GABRA5: variants seen among roughly 807,000 people sequenced by gnomAD.
The protein encoded by GABRA5 is gamma-aminobutyric acid receptor subunit alpha-5.
Under a neutral mutation model 47.3 loss-of-function variants are expected in GABRA5, and 18 were observed. The observed-to-expected ratio is 0.38, with a 90% CI of 0.26 to 0.56. GABRA5 has a LOEUF of 0.56. Among genes scored for constraint, GABRA5 ranks in the 20% least tolerant of loss-of-function variants. The pLI is 0.71. For synonymous variants in GABRA5, 237 were observed against 229.3 expected (o/e 1.03, Z -0.30); for missense variants, 365 against 599.3 (o/e 0.61, Z 4.08).
intron 7 of GABRA5, 95 bp downstream of exon 7, chr15:26,914,980 C>T (rs369187190): frequency 2.1e-6 from 2 of 935,138 alleles, no homozygotes; most frequent in African/African-American, 1.6e-5. Context: ...TATACATAAG[C>T]ACAATAGGAT....
intron 6 of GABRA5, among the ~76,000 whole-genome samples, chr15:26,913,359 T>C (rs1893645167): frequency 6.6e-6 from 1 of 152,130 alleles, no homozygotes; most frequent in African/African-American, 2.4e-5. Flanking sequence ...TCCCTTCCAC[T>C]GACATGTATT....
intron 6 of GABRA5, among the ~76,000 whole-genome samples, chr15:26,893,781 C>A (rs1246121063): frequency 6.6e-6 from 1 of 152,000 alleles, no homozygotes; most frequent in African/African-American, 2.4e-5. Flanking sequence ...GGCACGGAGT[C>A]TGGGGTGAGC....
At chr15:26,929,835 G>A (rs926356873) in intron 7 of GABRA5, among the ~76,000 whole-genome samples, 1 of 152,118 alleles carries the variant, frequency 6.6e-6, no homozygotes, top group Admixed American at 6.5e-5. Flanking sequence ...AGCAGCTCTT[G>A]GCTTCTGTTG....
chr15:26,882,613 C>T (rs1430052228), intron 4 of GABRA5, among the ~76,000 whole-genome samples: 1 of 152,192 alleles, frequency 6.6e-6, no homozygotes, highest in East Asian at 1.9e-4. Context: ...ATAGGGCTTT[C>T]TATAATAACA....
chr15:26,944,092 G>A (rs1423215661), intron 10 of GABRA5, among the ~76,000 whole-genome samples: 1 of 152,222 alleles, frequency 6.6e-6, no homozygotes, highest in Non-Finnish European at 1.5e-5. Context: ...TCTCTGTATG[G>A]AGAGAACAGG....
chr15:26,877,938 C>G (rs978914430), intron 3 of GABRA5, among the ~76,000 whole-genome samples: 3 of 152,140 alleles, frequency 2.0e-5, no homozygotes, highest in Non-Finnish European at 4.4e-5. Context: ...AAGAATGGAG[C>G]CTTTATTTGT....
chr15:26,894,604 T>A (rs1253860610), intron 6 of GABRA5, among the ~76,000 whole-genome samples: 1 of 152,190 alleles, frequency 6.6e-6, no homozygotes, highest in African/African-American at 2.4e-5. Context: ...GTTTCCTTCA[T>A]CGGAATTCCT....
chr15:26,931,011 T>G (rs2140566844), intron 7 of GABRA5, among the ~76,000 whole-genome samples: 1 of 150,282 alleles, frequency 6.7e-6, no homozygotes, highest in South Asian at 2.2e-4. Flanking sequence ...TTCTCCTGCC[T>G]CAGCCTCCTG....
chr15:26,947,278 A>T (rs1483854685), intron 10 of GABRA5, among the ~76,000 whole-genome samples: 1 of 152,102 alleles, frequency 6.6e-6, no homozygotes. Flanking sequence ...AACTCATGTC[A>T]TGGGAGTTTG....
At chr15:26,871,913 A>G (rs1429497955) in intron 3 of GABRA5, among the ~76,000 whole-genome samples, 1 of 152,198 alleles carries the variant, frequency 6.6e-6, no homozygotes. Context: ...TATTTATATT[A>G]GAAGATATTT....
rs973499959 is a variant in GABRA5, at chr15:26,885,254, G to A, written c.497+1697G>A. Among the ~76,000 whole-genome samples the A allele has an allele frequency of 4.0e-5, 6 of 148,540 alleles. No homozygotes were observed. In the East Asian group the frequency reaches 5.9e-4, roughly 15 times the overall value. ...GCGGAGCTTGCAGTGAGCCCAGATC[G>A]CACCACTGCACTCCAGCCTGGGCAA... On this transcript the variant is annotated intron_variant, in intron 6 of 10. Transcript: ENST00000335625.
intron 6 of GABRA5, among the ~76,000 whole-genome samples, chr15:26,901,819 A>C (rs1274810411): frequency 6.6e-6 from 1 of 152,054 alleles, no homozygotes; most frequent in Admixed American, 6.6e-5. Flanking sequence ...ATTTTGAGTT[A>C]ATTCTTGTGA....
At chr15:26,922,360 A>G (rs1893863601) in intron 7 of GABRA5, among the ~76,000 whole-genome samples, 1 of 152,182 alleles carries the variant, frequency 6.6e-6, no homozygotes. Context: ...TTTGAAGTCC[A>G]CATAACTTGA....
intron 6 of GABRA5, among the ~76,000 whole-genome samples, chr15:26,893,277 GTAT>G: frequency 2.0e-5 from 1 of 50,990 alleles, no homozygotes; most frequent in East Asian, 8.1e-4. Flanking sequence ...TGGTGTGTGT[GTAT>G]GGCATATGGC....
chr15:26,866,954 G>T (rs566050589), upstream of GABRA5: 1 of 152,176 alleles, frequency 6.6e-6, no homozygotes, highest in African/African-American at 2.4e-5. Flanking sequence ...GCAGAACAGG[G>T]CCTCTCCCCT....
intron 7 of GABRA5, among the ~76,000 whole-genome samples, chr15:26,915,742 A>C (rs1399448184): frequency 2.0e-5 from 3 of 152,168 alleles, no homozygotes; most frequent in Middle Eastern, 3.2e-3. Flanking sequence ...TCACTTTGAA[A>C]GCAGAATGTT....
intron 6 of GABRA5, among the ~76,000 whole-genome samples, chr15:26,892,108 G>A (rs988576997): frequency 9.9e-5 from 15 of 152,238 alleles, no homozygotes; most frequent in African/African-American, 3.6e-4. Flanking sequence ...GGAAGACTTG[G>A]CAGAGGCCTC....
Position 26,927,104 on chromosome 15 carries a change from A to AT in GABRA5, c.581-10071dup, listed in dbSNP as rs879588937. On this transcript the variant is annotated intron_variant, in intron 7 of 10. Transcript: ENST00000335625. ...TCAAATTTATTTTTATCTGCCTGCT[A>AT]TTTTTTTTTTCTTTTTTGAGACAGA... 3.7e-3 allele frequency among the ~76,000 whole-genome samples: 555 copies of AT among 148,434 alleles called. 4 individuals carry two copies. Among genetic ancestry groups the AT allele is most frequent in the African/African-American group, 0.013 (518 of 40,466 alleles).
chr15:26,895,932 G>C (rs959956650), intron 6 of GABRA5, among the ~76,000 whole-genome samples: 2 of 151,998 alleles, frequency 1.3e-5, no homozygotes, highest in Non-Finnish European at 2.9e-5. Flanking sequence ...GCTGGGTACA[G>C]AGTCTCCCCG....
Sources: gnomAD v4.1 joint callset for allele counts (sites outside exome capture counted in the v4.1 genomes callset) on GRCh38, gnomAD v4.1.1 for gene constraint, MANE v1.5 for transcripts, NCBI Gene and HGNC (gene_info 2026-07-23, HGNC 2026-07-21) for gene names.